The following VPS8 variants were observed in gnomAD, a reference collection of about 807,000 sequenced individuals.
The protein encoded by VPS8 is vacuolar protein sorting-associated protein 8 homolog.
In VPS8, 129 loss-of-function variants were observed where a neutral mutation model predicts 216.4. The ratio of observed to expected loss-of-function variants is 0.60; its 90% confidence interval spans 0.52 to 0.69. VPS8 has a LOEUF of 0.69. VPS8 is among the 30% of genes least tolerant of loss of function. VPS8 has a pLI of 0.00. For missense variants in VPS8, 1,531 were observed against 1,683.5 expected (o/e 0.91, Z 1.59); for synonymous variants, 571 against 565.4 (o/e 1.01, Z -0.14).
chr3:184,974,474 A>G (rs1028873621), intron 40 of VPS8, among the ~76,000 whole-genome samples: 1 of 152,106 alleles, frequency 6.6e-6, no homozygotes, highest in African/African-American at 2.4e-5. Context: ...TCAGATGACT[A>G]GTTTGCAAAT....
At chr3:185,006,529 T>A (rs1362720825) in intron 45 of VPS8, among the ~76,000 whole-genome samples, 2 of 152,234 alleles carry the variant, frequency 1.3e-5, no homozygotes, top group Admixed American at 6.5e-5. Flanking sequence ...TAATTAAGAT[T>A]TCTCACCATT....
intron 35 of VPS8, among the ~76,000 whole-genome samples, chr3:184,938,346 G>A (rs1484102704): frequency 6.6e-6 from 1 of 152,188 alleles, no homozygotes; most frequent in African/African-American, 2.4e-5. Context: ...ACAAAAACAT[G>A]TAAGTGTGAT....
intron 25 of VPS8, among the ~76,000 whole-genome samples, chr3:184,903,668 A>G (rs1734984925): frequency 6.6e-6 from 1 of 151,926 alleles, no homozygotes; most frequent in Non-Finnish European, 1.5e-5. Context: ...GGCTGGTCTT[A>G]AACTCCTGGC....
At chr3:184,814,868 T>C (rs944363207) in intron 1 of VPS8, among the ~76,000 whole-genome samples, 2 of 152,252 alleles carry the variant, frequency 1.3e-5, no homozygotes, top group Non-Finnish European at 2.9e-5. Context: ...TTATAAACTT[T>C]TTAATTTAAA....
Position 184,894,834 on chromosome 3 carries a change from A to ACT in VPS8, c.1914_1915dup (p.Leu639SerfsTer2). 1 of 1,610,624 alleles carries ACT rather than the reference A, an allele frequency of 6.2e-7. No homozygotes were observed. Among genetic ancestry groups the ACT allele is most frequent in the Non-Finnish European group, 8.5e-7 (1 of 1,178,276 alleles). On this transcript the variant is annotated frameshift_variant, in exon 23 of 48. Transcript: ENST00000625842. LOFTEE classifies it high-confidence loss of function. Reference sequence around the variant, plus strand: ...GGAATCACACCCCAAGTAATGAAAGACTTGATTGTTCATTTCCAAGATAAA... The same window carrying ACT: ...GGAATCACACCCCAAGTAATGAAAGACTCTTGATTGTTCATTTCCAAGATAAA...
intron 3 of VPS8, among the ~76,000 whole-genome samples, chr3:184,830,395 CTTAT>C (rs919578409): frequency 4.0e-5 from 6 of 151,672 alleles, no homozygotes; most frequent in Admixed American, 2.0e-4. Context: ...TCAAGATTGC[CTTAT>C]TTATTTATTT....
At chr3:184,896,058 A>G (rs1031524438) in intron 23 of VPS8, among the ~76,000 whole-genome samples, 2 of 152,274 alleles carry the variant, frequency 1.3e-5, no homozygotes, top group African/African-American at 4.8e-5. Flanking sequence ...AAGTTTTTTG[A>G]AAGTGTGCAA....
rs757890846 is a variant in VPS8, at chr3:184,826,252, A to G, written c.222+21A>G. On this transcript the variant is annotated intron_variant, in intron 3 of 47. Transcript: ENST00000625842. Reference sequence around the variant, plus strand: ...ATGAGGTAAGTGAATATTAATGATTACTGTCATTTTGTGTGTGGCATTCAT... The same window carrying G: ...ATGAGGTAAGTGAATATTAATGATTGCTGTCATTTTGTGTGTGGCATTCAT... 1.9e-6 allele frequency: 3 copies of G among 1,585,514 alleles called. No homozygotes were observed. In the South Asian group the frequency reaches 3.4e-5, roughly 18 times the overall value.
chr3:184,871,121 T>TA, intron 21 of VPS8, among the ~76,000 whole-genome samples: 1 of 152,046 alleles, frequency 6.6e-6, no homozygotes, highest in Non-Finnish European at 1.5e-5. Context: ...ATATTTATGT[T>TA]AACCAGGTTA....
chr3:184,840,921 A>G (rs1288938742), intron 7 of VPS8, among the ~76,000 whole-genome samples: 1 of 152,134 alleles, frequency 6.6e-6, no homozygotes, highest in Non-Finnish European at 1.5e-5. Flanking sequence ...GGGGCCTTGC[A>G]TCCTTATTTA....
In VPS8 at chr3:185,051,983, C is replaced by T. The variant is rs370343308; in HGVS notation, c.4245C>T (p.Asn1415=). 5.0e-6 allele frequency: 8 copies of T among 1,613,546 alleles called. No homozygotes were observed. The African/African-American group carries it at 9.3e-5, about 19-fold the overall frequency. Residue 1415 remains asparagine, a synonymous_variant, in exon 48 of 48, where the codon AAC becomes AAT. Transcript: ENST00000625842. ...TCAACAGCATCTTCCAGAATGAGAA[C>T]TTCCAGCTGCAGCTCATTCCTCCAC... The part of the protein sequence containing the change: ...PAFNSIFQNE[N]FQLQLIPPPV...
chr3:184,913,711 T>C, intron 26 of VPS8, 150 bp downstream of exon 26: 1 of 630,890 alleles, frequency 1.6e-6, no homozygotes, highest in South Asian at 2.7e-5. Flanking sequence ...ATGGATAATT[T>C]TGTCTCCTAC....
chr3:184,874,990 C>T (rs1328363680), intron 21 of VPS8, among the ~76,000 whole-genome samples: 1 of 150,988 alleles, frequency 6.6e-6, no homozygotes, highest in Non-Finnish European at 1.5e-5. Context: ...TGGATTTATG[C>T]ATCTCTTATT....
intron 4 of VPS8, among the ~76,000 whole-genome samples, chr3:184,834,079 T>C (rs1720555604): frequency 6.6e-6 from 1 of 151,912 alleles, no homozygotes; most frequent in Non-Finnish European, 1.5e-5. Flanking sequence ...AGAGGGGGAA[T>C]TTGAGGAGGT....
intron 36 of VPS8, among the ~76,000 whole-genome samples, chr3:184,947,319 A>AAAG: frequency 6.6e-6 from 1 of 152,178 alleles, no homozygotes; most frequent in African/African-American, 2.4e-5. Context: ...CTTTCCTTTC[A>AAAG]GAAAGTTTCA....
At chr3:184,957,914 C>G (rs1310808217) in intron 37 of VPS8, among the ~76,000 whole-genome samples, 2 of 152,176 alleles carry the variant, frequency 1.3e-5, no homozygotes, top group African/African-American at 4.8e-5. Flanking sequence ...CCCGTGCCTG[C>G]TGGTGCCTTC....
chr3:184,860,683 G>A (rs1726187514), intron 15 of VPS8, among the ~76,000 whole-genome samples: 1 of 152,080 alleles, frequency 6.6e-6, no homozygotes, highest in African/African-American at 2.4e-5. Context: ...TCATTGCCTT[G>A]CTTTCTCTGT....
chr3:184,993,968 AT>A lies in VPS8; in HGVS notation c.3586-9del. On this transcript the variant is annotated splice_polypyrimidine_tract_variant and intron_variant, in intron 42 of 47. Transcript: ENST00000625842. ...AATACAGAATTGTAACAGAATTGTA[AT>A]TTTTTCCGATTAGGATCCAGTTTAT... 1.3e-6 allele frequency: 2 copies of A among 1,526,804 alleles called. No homozygotes were observed. The highest frequency in any genetic ancestry group is 1.3e-5 in the South Asian group (1 of 76,874). The allele number at this position is 1,526,804 out of a possible 1,614,324, so 94.6% of individuals were successfully genotyped here.
chr3:185,003,807 C>T (rs1271322482), intron 45 of VPS8, among the ~76,000 whole-genome samples: 10 of 149,556 alleles, frequency 6.7e-5, no homozygotes, highest in African/African-American at 2.0e-4. Context: ...TCAGACGGGG[C>T]GGCTGCCGGG....
Sources: gnomAD v4.1 joint callset for allele counts (sites outside exome capture counted in the v4.1 genomes callset) on GRCh38, gnomAD v4.1.1 for gene constraint, MANE v1.5 for transcripts, NCBI Gene and HGNC (gene_info 2026-07-23, HGNC 2026-07-21) for gene names.